The following UNC5D variants were observed in gnomAD, a reference collection of about 807,000 sequenced individuals.
UNC5D encodes netrin receptor UNC5D.
In UNC5D, 39 loss-of-function variants were observed where a neutral mutation model predicts 105.4. That is an observed-to-expected ratio of 0.37 (90% CI 0.29 to 0.48). UNC5D has a LOEUF of 0.48. Ranked by LOEUF, UNC5D falls within the 20% of genes least tolerant of loss-of-function variation. UNC5D has a pLI of 0.98. For synonymous variants in UNC5D, 452 were observed against 450.4 expected (o/e 1.00, Z -0.04); for missense variants, 991 against 1,202.4 (o/e 0.82, Z 2.60).
intron 1 of UNC5D, among the ~76,000 whole-genome samples, chr8:35,290,948 C>CA (rs60364288): frequency 0.053 from 3,176 of 59,894 alleles, 70 homozygotes; most frequent in African/African-American, 0.12. Flanking sequence ...GACTCCATCT[C>CA]AAAAAAAAAA....
At chr8:35,782,297 G>A (rs1802536698) in intron 16 of UNC5D, among the ~76,000 whole-genome samples, 1 of 152,076 alleles carries the variant, frequency 6.6e-6, no homozygotes, top group Non-Finnish European at 1.5e-5. Context: ...AGCATATGGA[G>A]GGTTGGTTTT....
intron 1 of UNC5D, among the ~76,000 whole-genome samples, chr8:35,328,782 T>C (rs1271884561): frequency 6.6e-6 from 1 of 152,224 alleles, no homozygotes; most frequent in African/African-American, 2.4e-5. Context: ...GCATTTACTC[T>C]TGGAGGCCAC....
intron 1 of UNC5D, among the ~76,000 whole-genome samples, chr8:35,323,958 G>C (rs1585584164): frequency 6.6e-6 from 1 of 152,220 alleles, no homozygotes; most frequent in African/African-American, 2.4e-5. Context: ...GACTGGGTAT[G>C]TTGGCTCATT....
intron 1 of UNC5D, among the ~76,000 whole-genome samples, chr8:35,396,496 C>CTT (rs754696276): frequency 6.9e-6 from 1 of 144,312 alleles, no homozygotes. Context: ...CTTTTATTTT[C>CTT]TTTTTTTTTT....
At chr8:35,345,599 A>G (rs1423559309) in intron 1 of UNC5D, among the ~76,000 whole-genome samples, 3 of 152,092 alleles carry the variant, frequency 2.0e-5, no homozygotes, top group Non-Finnish European at 4.4e-5. Flanking sequence ...CATGGGAAGA[A>G]GAGTAAACGT....
chr8:35,497,187 T>C (rs985726500), intron 1 of UNC5D, among the ~76,000 whole-genome samples: 1 of 152,200 alleles, frequency 6.6e-6, no homozygotes, highest in Admixed American at 6.5e-5. Context: ...TACTAGGGAA[T>C]ACTTAGCAAG....
chr8:35,283,185 T>C (rs1806322405), intron 1 of UNC5D, among the ~76,000 whole-genome samples: 1 of 152,190 alleles, frequency 6.6e-6, no homozygotes, highest in Non-Finnish European at 1.5e-5. Context: ...AATTTTTAAT[T>C]TGAGAAAATT....
chr8:35,639,769 A>G (rs1013101265), intron 4 of UNC5D, among the ~76,000 whole-genome samples: 5 of 152,084 alleles, frequency 3.3e-5, no homozygotes, highest in Non-Finnish European at 7.4e-5. Flanking sequence ...TTTTAAGACA[A>G]GGTCTTGCTG....
intron 1 of UNC5D, among the ~76,000 whole-genome samples, chr8:35,512,539 G>GTATATATATATATATA (rs71215633): frequency 5.0e-5 from 2 of 40,276 alleles, no homozygotes; most frequent in African/African-American, 2.7e-4. Context: ...AGATATGTAT[G>GTATATATATATATATA]TATATATATA....
At chr8:35,715,446 C>A (rs2131504869) in intron 8 of UNC5D, among the ~76,000 whole-genome samples, 1 of 152,204 alleles carries the variant, frequency 6.6e-6, no homozygotes, top group South Asian at 2.1e-4. Context: ...ATTTTCTAAT[C>A]TTATATATGT....
intron 1 of UNC5D, among the ~76,000 whole-genome samples, chr8:35,305,321 T>TA (rs1333992045): frequency 6.6e-6 from 1 of 152,106 alleles, no homozygotes; most frequent in East Asian, 1.9e-4. Context: ...CTCAGTGGCT[T>TA]ATGTCCCACC....
intron 8 of UNC5D, among the ~76,000 whole-genome samples, chr8:35,717,690 T>C (rs1392516363): frequency 2.6e-5 from 4 of 152,192 alleles, no homozygotes; most frequent in Non-Finnish European, 5.9e-5. Context: ...GTAGAAAAGG[T>C]CATGGTAATA....
At chr8:35,379,834 G>A (rs1203637858) in intron 1 of UNC5D, among the ~76,000 whole-genome samples, 1 of 151,880 alleles carries the variant, frequency 6.6e-6, no homozygotes, top group Non-Finnish European at 1.5e-5. Flanking sequence ...CCTAAACAAG[G>A]TATGTTTTGA....
intron 4 of UNC5D, among the ~76,000 whole-genome samples, chr8:35,632,364 T>C (rs112189391): frequency 2.0e-5 from 3 of 152,346 alleles, no homozygotes; most frequent in African/African-American, 7.2e-5. Flanking sequence ...TTTTGTTTTG[T>C]GTGTCCTGTG....
chr8:35,410,514 T>A (rs747744124), intron 1 of UNC5D, among the ~76,000 whole-genome samples: 1 of 152,034 alleles, frequency 6.6e-6, no homozygotes, highest in Non-Finnish European at 1.5e-5. Context: ...TGAGTGAGAT[T>A]TTTGGATCTT....
intron 1 of UNC5D, among the ~76,000 whole-genome samples, chr8:35,457,289 G>GT (rs1345562779): frequency 6.6e-6 from 1 of 152,100 alleles, no homozygotes; most frequent in African/African-American, 2.4e-5. Context: ...ATGTTTCAAA[G>GT]TTGTTTTCAA....
intron 16 of UNC5D, among the ~76,000 whole-genome samples, chr8:35,783,337 G>A (rs918465644): frequency 2.0e-5 from 3 of 152,028 alleles, no homozygotes; most frequent in Non-Finnish European, 4.4e-5. Context: ...ATATGGGGCC[G>A]CAACTCAAAT....
chr8:35,438,561 C>T (rs1486101805), intron 1 of UNC5D, among the ~76,000 whole-genome samples: 2 of 151,920 alleles, frequency 1.3e-5, no homozygotes, highest in Non-Finnish European at 2.9e-5. Context: ...TTTATGCTCA[C>T]ATTCACTATC....
intron 1 of UNC5D, among the ~76,000 whole-genome samples, chr8:35,426,990 G>C (rs1056705946): frequency 1.3e-5 from 2 of 152,150 alleles, no homozygotes; most frequent in African/African-American, 4.8e-5. Flanking sequence ...CTTGGTGATG[G>C]AAGATGATGA....
Sources: allele counts gnomAD v4.1 joint callset (sites outside exome capture counted in the v4.1 genomes callset), GRCh38; gene constraint gnomAD v4.1.1; transcripts MANE v1.5; gene names NCBI Gene and HGNC (gene_info 2026-07-23, HGNC 2026-07-21).